The following CNTNAP3B variants were observed in gnomAD, a reference collection of about 807,000 sequenced individuals.
The protein encoded by CNTNAP3B is contactin associated protein family member 3B, also known as contactin-associated protein-like 3B.
CNTNAP3B carries 25 observed loss-of-function variants against 108.9 expected under a neutral mutation model. The observed-to-expected ratio is 0.23, with a 90% CI of 0.17 to 0.32. The LOEUF (loss-of-function observed/expected upper bound fraction) is 0.32. Among genes scored for constraint, CNTNAP3B ranks in the 10% least tolerant of loss-of-function variants. The pLI is 1.00. For synonymous variants in CNTNAP3B, 103 were observed against 473.4 expected, an observed-to-expected ratio of 0.22 and a Z score of 10.16; for missense variants, 252 against 1,210.4, an observed-to-expected ratio of 0.21 and a Z score of 11.75.
rs1284621866 is a variant in CNTNAP3B, at chr9:42,111,232, C to T, written c.86-6493G>A. The stretch of plus-strand genomic sequence containing the variant: ...GAATGAATAACAGCAGAACTTGGGA[C>T]TTTCGGCTTGAACTCTTGGGAGAAA... On this transcript the variant is annotated intron_variant, in intron 1 of 23. Coordinates refer to ENST00000377561, the MANE Select transcript of CNTNAP3B (RefSeq NM_001201380.3). Among the ~76,000 whole-genome samples, 3 of 139,834 alleles carry T rather than the reference C, an allele frequency of 2.1e-5. 1 individual carries two copies. Among genetic ancestry groups the T allele is most frequent in the African/African-American group, 8.5e-5 (3 of 35,384 alleles). 91.7% of individuals were successfully genotyped at this position (139,834 alleles called of 152,430 possible).
chr9:41,995,905 G>A (rs1426929757), intron 7 of CNTNAP3B, among the ~76,000 whole-genome samples: 4 of 143,748 alleles, frequency 2.8e-5, no homozygotes, highest in Admixed American at 6.9e-5. Flanking sequence ...GCATGGTGGC[G>A]GGCGCCTGTA....
At position 42,033,197 on chromosome 9, in the gene CNTNAP3B, A is replaced by G. The variant is rs1356154535; in HGVS notation, c.391-19672T>C. Among the ~76,000 whole-genome samples, 3 of 139,898 alleles carry G rather than the reference A, an allele frequency of 2.1e-5. No homozygotes were observed. The East Asian group carries it at 6.6e-4, about 31-fold the overall frequency. 91.8% of individuals were successfully genotyped at this position (139,898 alleles called of 152,430 possible). ...TTACAAAAGAATCACTTTCCCATTA[A>G]TAATGGTCACTATTGTTGGTTAATA... On this transcript the variant is annotated intron_variant, in intron 3 of 23. Transcript: ENST00000377561.
chr9:41,954,213 G>C (rs1190325200), intron 12 of CNTNAP3B, among the ~76,000 whole-genome samples: 1 of 152,248 alleles, frequency 6.6e-6, no homozygotes, highest in African/African-American at 2.4e-5. Flanking sequence ...TTCCGAACTG[G>C]AGAAACGAAG....
At chr9:41,936,149 C>G (rs1055378225) in intron 14 of CNTNAP3B, among the ~76,000 whole-genome samples, 1 of 152,304 alleles carries the variant, frequency 6.6e-6, no homozygotes, top group African/African-American at 2.4e-5. Context: ...GTGTGGCACT[C>G]GGCTGTAATC....
At chr9:41,995,726 G>T in intron 7 of CNTNAP3B, among the ~76,000 whole-genome samples, 1 of 77,478 alleles carries the variant, frequency 1.3e-5, no homozygotes, top group South Asian at 4.4e-4. Flanking sequence ...GTGAGACTCC[G>T]TCTCAAAAAA....
intron 4 of CNTNAP3B, among the ~76,000 whole-genome samples, chr9:42,003,440 T>G (rs1587193065): frequency 1.1e-5 from 1 of 93,000 alleles, no homozygotes; most frequent in Admixed American, 1.2e-4. Context: ...TTTCTTAAAG[T>G]GTTCTATCAA....
At position 42,124,839 on chromosome 9, in the gene CNTNAP3B, T is replaced by C. The variant is rs2605850; in HGVS notation, c.85+4171A>G. The stretch of plus-strand genomic sequence containing the variant: ...CAGGCTAATTTGATTTAGAGACATA[T>C]ATAAATGAACTGTTATTTCTCATAA... On this transcript the variant is annotated intron_variant, in intron 1 of 23. Coordinates refer to ENST00000377561, the MANE Select transcript of CNTNAP3B (RefSeq NM_001201380.3). 2.9e-4 allele frequency among the ~76,000 whole-genome samples: 40 copies of C among 136,288 alleles called. 7 individuals are homozygous for C. The South Asian group carries it at 4.3e-3, about 15-fold the overall frequency. 89.4% of individuals were successfully genotyped at this position (136,288 alleles called of 152,430 possible).
At chr9:42,059,950 A>G (rs1328689883) in intron 3 of CNTNAP3B, among the ~76,000 whole-genome samples, 1 of 149,832 alleles carries the variant, frequency 6.7e-6, no homozygotes, top group African/African-American at 2.5e-5. Context: ...TTCTATATAT[A>G]AGATCATGTC....
Position 42,066,401 on chromosome 9 carries a change from T to C in CNTNAP3B, c.390+10468A>G, listed in dbSNP as rs1357691718. Among the ~76,000 whole-genome samples, 30 of 104,094 alleles carry C rather than the reference T, an allele frequency of 2.9e-4. 2 individuals carry two copies. The highest frequency in any genetic ancestry group is 9.9e-4 in the African/African-American group (27 of 27,204). 68.3% of individuals were successfully genotyped at this position (104,094 alleles called of 152,430 possible). The stretch of plus-strand genomic sequence containing the variant: ...TAAATTAATTTCCAAAAAAAAGTAT[T>C]AAAAAATGTGAGCTGTTGAATCTTT... On this transcript the variant is annotated intron_variant, in intron 3 of 23. Coordinates refer to ENST00000377561, the MANE Select transcript of CNTNAP3B (RefSeq NM_001201380.3).
intron 10 of CNTNAP3B, among the ~76,000 whole-genome samples, chr9:41,966,820 A>G (rs1443832335): frequency 6.6e-6 from 1 of 150,904 alleles, no homozygotes; most frequent in Non-Finnish European, 1.5e-5. Context: ...ACAAAAAATT[A>G]GCCAGGTGTG....
intron 11 of CNTNAP3B, among the ~76,000 whole-genome samples, chr9:41,961,372 G>A (rs1342011377): frequency 2.6e-5 from 4 of 152,296 alleles, no homozygotes; most frequent in South Asian, 2.1e-4. Context: ...GAAGAGATAC[G>A]AGAGGAAAAC....
At chr9:42,035,770 G>A (rs551861039) in intron 3 of CNTNAP3B, among the ~76,000 whole-genome samples, 102 of 150,714 alleles carry the variant, frequency 6.8e-4, no homozygotes, top group Admixed American at 2.7e-3. Flanking sequence ...CTATCCTCCC[G>A]CATTAGCCTC....
chr9:41,930,726 G>A (rs980338751), intron 14 of CNTNAP3B, among the ~76,000 whole-genome samples: 415 of 152,230 alleles, frequency 2.7e-3, no homozygotes, highest in Non-Finnish European at 4.5e-3. Context: ...AAATGCACAC[G>A]TCTGTGTCCA....
chr9:42,036,507 C>T lies in CNTNAP3B; in HGVS notation c.391-22982G>A, dbSNP rs1437085157. Among the ~76,000 whole-genome samples the T allele has an allele frequency of 1.5e-5, 2 of 137,096 alleles. 1 individual carries two copies. Among genetic ancestry groups the T allele is most frequent in the East Asian group, 4.4e-4 (2 of 4,530 alleles). 89.9% of individuals were successfully genotyped at this position (137,096 alleles called of 152,430 possible). A position where few individuals can be genotyped will look rare whatever the true frequency, so the allele number is the denominator to read the frequency against. ...AGCAGCGAGACTAGGGGAGGAGCGC[C>T]CGCCATTGCTGAGGCTTGAGTAGGT... is the stretch of plus-strand genomic sequence containing the variant. On this transcript the variant is annotated intron_variant, in intron 3 of 23. Coordinates refer to ENST00000377561, the MANE Select transcript of CNTNAP3B (RefSeq NM_001201380.3).
At chr9:41,932,526 T>C (rs1364088402) in intron 14 of CNTNAP3B, among the ~76,000 whole-genome samples, 7 of 151,490 alleles carry the variant, frequency 4.6e-5, no homozygotes, top group Non-Finnish European at 8.8e-5. Flanking sequence ...TCTTCTTTTT[T>C]TTTTTTTTTC....
chr9:42,055,458 C>T (rs1275201157), intron 3 of CNTNAP3B, among the ~76,000 whole-genome samples: 1 of 144,756 alleles, frequency 6.9e-6, no homozygotes. Flanking sequence ...TGTACCATGA[C>T]CACTGAAAGA....
intron 14 of CNTNAP3B, among the ~76,000 whole-genome samples, chr9:41,936,090 T>C (rs1219216779): frequency 7.9e-5 from 12 of 152,288 alleles, no homozygotes; most frequent in Non-Finnish European, 1.6e-4. Flanking sequence ...TTGACCAGCC[T>C]GGCCAATAGT....
In CNTNAP3B at chr9:42,108,270, C is replaced by A. The variant is rs575165262; in HGVS notation, c.86-3531G>T. On this transcript the variant is annotated intron_variant, in intron 1 of 23. Transcript: ENST00000377561. The stretch of plus-strand genomic sequence containing the variant: ...AGAGGGTTCTAGGGTCTTAATGTTA[C>A]AAGTATTGATTATTTCACATTTATT... Among the ~76,000 whole-genome samples, 832 of 130,176 alleles carry A rather than the reference C, an allele frequency of 6.4e-3. 168 individuals carry two copies. Among genetic ancestry groups the A allele is most frequent in the African/African-American group, 0.025 (788 of 32,104 alleles). The allele number at this position is 130,176 out of a possible 152,430, so 85.4% of individuals were successfully genotyped here. A position where few individuals can be genotyped will look rare whatever the true frequency, so the allele number is the denominator to read the frequency against.
intron 3 of CNTNAP3B, among the ~76,000 whole-genome samples, chr9:42,020,382 T>C (rs1427123146): frequency 6.6e-6 from 1 of 151,828 alleles, no homozygotes; most frequent in East Asian, 1.9e-4. Flanking sequence ...AATACCTTTT[T>C]AGAAAGCAGG....
Sources: gnomAD v4.1 joint callset for allele counts (sites outside exome capture counted in the v4.1 genomes callset) on GRCh38, gnomAD v4.1.1 for gene constraint, MANE v1.5 for transcripts, NCBI Gene and HGNC (gene_info 2026-07-23, HGNC 2026-07-21) for gene names.